Variants in MELK observed in about 807,000 individuals in gnomAD.
MELK encodes pEg3 kinase.
Under a neutral mutation model 85.0 loss-of-function variants are expected in MELK, and 81 were observed. The observed-to-expected ratio is 0.95, with a 90% CI of 0.80 to 1.15. MELK has a LOEUF of 1.15. Ranked by LOEUF, MELK falls within the 50% of genes most tolerant of loss-of-function variation. The probability of loss-of-function intolerance (pLI) is 0.00; values close to 1 mark genes in which losing one functional copy is unlikely to be tolerated. For synonymous variants in MELK, 252 were observed against 265.0 expected, an observed-to-expected ratio of 0.95 and a Z score of 0.48; for missense variants, 754 against 777.5, an observed-to-expected ratio of 0.97 and a Z score of 0.36.
chr9:36,586,691 T>G (rs1030800458), intron 3 of MELK, among the ~76,000 whole-genome samples: 4 of 152,202 alleles, frequency 2.6e-5, no homozygotes, highest in African/African-American at 9.6e-5. Flanking sequence ...GCAAACAAAA[T>G]GTTATTACAA....
intron 14 of MELK, among the ~76,000 whole-genome samples, chr9:36,668,608 G>A (rs112574848): frequency 2.0e-5 from 3 of 148,108 alleles, no homozygotes; most frequent in African/African-American, 7.4e-5. Context: ...TGCCTACTGG[G>A]TTCAAGGGAT....
intron 1 of MELK, among the ~76,000 whole-genome samples, chr9:36,581,065 T>A (rs1428594689): frequency 6.6e-6 from 1 of 152,208 alleles, no homozygotes. Flanking sequence ...ATTTTGCTGT[T>A]GAGTTTTTCT....
chr9:36,608,743 G>A (rs966653787), intron 8 of MELK, among the ~76,000 whole-genome samples: 5 of 151,966 alleles, frequency 3.3e-5, no homozygotes, highest in Non-Finnish European at 7.4e-5. Context: ...CACCACGCCC[G>A]GCTAATTTTT....
chr9:36,647,245 T>C (rs1830289212), intron 11 of MELK, among the ~76,000 whole-genome samples: 1 of 152,174 alleles, frequency 6.6e-6, no homozygotes, highest in Admixed American at 6.5e-5. Context: ...AATGCCTGGG[T>C]TATGCCATGC....
Position 36,632,199 on chromosome 9 carries a change from T to C in MELK, c.736-903T>C, listed in dbSNP as rs535834009. On this transcript the variant is annotated intron_variant, in intron 9 of 17. Transcript: ENST00000298048. ...GCATTTCTAACAAGCTCCCAGAAGA[T>C]GCTGATGCTGCAGGTCTTGGGGCCA... is the stretch of plus-strand genomic sequence containing the variant. Among the ~76,000 whole-genome samples the C allele has an allele frequency of 2.0e-5, 3 of 152,284 alleles. No individual in the cohort carries two copies. In the East Asian group the frequency reaches 5.8e-4, roughly 29 times the overall value.
At chr9:36,625,928 A>G (rs993406744) in intron 8 of MELK, among the ~76,000 whole-genome samples, 8 of 152,150 alleles carry the variant, frequency 5.3e-5, no homozygotes, top group Admixed American at 3.9e-4. Flanking sequence ...GAAGGGTTAC[A>G]TTCATCGCAG....
chr9:36,676,401 A>G (rs1435702589), intron 17 of MELK, among the ~76,000 whole-genome samples: 2 of 152,224 alleles, frequency 1.3e-5, no homozygotes, highest in African/African-American at 2.4e-5. Context: ...AAACTCTAAA[A>G]TAGAATGTAA....
At chr9:36,605,148 C>T (rs1205682515) in intron 7 of MELK, among the ~76,000 whole-genome samples, 1 of 151,992 alleles carries the variant, frequency 6.6e-6, no homozygotes, top group Non-Finnish European at 1.5e-5. Flanking sequence ...TACCTTGCTT[C>T]CCAAAGTGTG....
chr9:36,636,174 G>GCT (rs1829121969), intron 10 of MELK, among the ~76,000 whole-genome samples: 1 of 151,946 alleles, frequency 6.6e-6, no homozygotes, highest in South Asian at 2.1e-4. Flanking sequence ...ATTAGTTATT[G>GCT]CTGCATTAAA....
At chr9:36,660,613 C>T (rs567416154) in intron 13 of MELK, among the ~76,000 whole-genome samples, 1 of 151,320 alleles carries the variant, frequency 6.6e-6, no homozygotes, top group Admixed American at 6.6e-5. Flanking sequence ...TGAGCCACTG[C>T]GCCTGGCACC....
chr9:36,650,458 G>T (rs118141366), intron 11 of MELK, among the ~76,000 whole-genome samples: 5 of 152,062 alleles, frequency 3.3e-5, no homozygotes, highest in Admixed American at 6.5e-5. Flanking sequence ...ATACAAAAAG[G>T]CTGGAGAATC....
At chr9:36,640,696 C>T (rs887991628) in intron 10 of MELK, among the ~76,000 whole-genome samples, 2 of 152,176 alleles carry the variant, frequency 1.3e-5, no homozygotes, top group Non-Finnish European at 2.9e-5. Flanking sequence ...GTGATCCTCC[C>T]ACCTTAGCTT....
At position 36,594,670 on chromosome 9, in the gene MELK, G is replaced by C; in HGVS notation, c.304G>C (p.Asp102His). The part of the protein sequence containing the change: ...GELFDYIISQ[D>H]RLSEEETRVV... ...GCTGTTTGACTATATAATTTCCCAG[G>C]ATCGCCTGTCAGAAGAGGAGACCCG... The change falls in exon 5 of 18, where the codon GAT (aspartate) becomes CAT (histidine). Residue 102 changes from aspartate (D) to histidine (H), a missense_variant. Coordinates refer to ENST00000298048, the MANE Select transcript of MELK (RefSeq NM_014791.4). 1 of 1,613,980 alleles carries C rather than the reference G, an allele frequency of 6.2e-7. No individual in the cohort carries two copies. The highest frequency in any genetic ancestry group is 8.5e-7 in the Non-Finnish European group (1 of 1,179,968).
chr9:36,633,257 A>G (rs1828824444), intron 10 of MELK, 57 bp downstream of exon 10: 1 of 1,185,144 alleles, frequency 8.4e-7, no homozygotes, highest in Non-Finnish European at 1.2e-6. Flanking sequence ...TCTTTGGGTG[A>G]ATTCAGAACC....
At chr9:36,639,105 A>G (rs1380665383) in intron 10 of MELK, among the ~76,000 whole-genome samples, 1 of 152,238 alleles carries the variant, frequency 6.6e-6, no homozygotes, top group Non-Finnish European at 1.5e-5. Flanking sequence ...GAAAAATGCC[A>G]GTCTTAGGCA....
intron 2 of MELK, 150 bp downstream of exon 2, chr9:36,581,889 G>A (rs1411225928): frequency 1.8e-6 from 1 of 554,414 alleles, no homozygotes. Context: ...AAGCAGAGAG[G>A]AGAATAGTAG....
chr9:36,621,106 T>TA (rs1177701813), intron 8 of MELK, among the ~76,000 whole-genome samples: 2 of 150,690 alleles, frequency 1.3e-5, no homozygotes, highest in African/African-American at 4.9e-5. Context: ...CCATCTCTAC[T>TA]AAAAATACAA....
At chr9:36,611,198 C>T (rs144041070) in intron 8 of MELK, among the ~76,000 whole-genome samples, 2 of 152,060 alleles carry the variant, frequency 1.3e-5, no homozygotes, top group African/African-American at 4.8e-5. Flanking sequence ...TTTGGGAACT[C>T]CATCCCAAAG....
chr9:36,638,105 A>G (rs1056919532), intron 10 of MELK, among the ~76,000 whole-genome samples: 1 of 152,278 alleles, frequency 6.6e-6, no homozygotes, highest in South Asian at 2.1e-4. Context: ...GGCTTTGCAC[A>G]TCTTCTCAGC....
Sources: gnomAD v4.1 joint callset for allele counts (sites outside exome capture counted in the v4.1 genomes callset) on GRCh38, gnomAD v4.1.1 for gene constraint, MANE v1.5 for transcripts, NCBI Gene and HGNC (gene_info 2026-07-23, HGNC 2026-07-21) for gene names.